The following ARRB1 variants were observed in gnomAD, a reference collection of about 807,000 sequenced individuals.
The protein encoded by ARRB1 is beta-arrestin-1.
ARRB1 carries 21 observed loss-of-function variants against 56.8 expected under a neutral mutation model. That is an observed-to-expected ratio of 0.37 (90% CI 0.26 to 0.53). ARRB1 has a LOEUF of 0.53. Among genes scored for constraint, ARRB1 ranks in the 20% least tolerant of loss-of-function variants. The pLI is 0.88. For missense variants in ARRB1, 424 were observed against 553.7 expected, an observed-to-expected ratio of 0.77 and a Z score of 2.35; for synonymous variants, 210 against 218.6, an observed-to-expected ratio of 0.96 and a Z score of 0.35.
chr11:75,332,920 G>A (rs1038580572), intron 1 of ARRB1, among the ~76,000 whole-genome samples: 1 of 151,882 alleles, frequency 6.6e-6, no homozygotes, highest in Non-Finnish European at 1.5e-5. Flanking sequence ...CCTATAGCCT[G>A]GAAGCTCCCC....
chr11:75,349,966 C>T (rs1300497720), intron 1 of ARRB1, among the ~76,000 whole-genome samples: 1 of 152,246 alleles, frequency 6.6e-6, no homozygotes, highest in Admixed American at 6.5e-5. Flanking sequence ...GCCTCTGGCC[C>T]CTTTTGACCT....
chr11:75,302,713 T>TA (rs1946933076), intron 1 of ARRB1, among the ~76,000 whole-genome samples: 1 of 152,156 alleles, frequency 6.6e-6, no homozygotes, highest in Admixed American at 6.5e-5. Flanking sequence ...AGGCTGGGGA[T>TA]AGGTGTAAAA....
intron 6 of ARRB1, 78 bp downstream of exon 6, chr11:75,281,884 C>A: frequency 1.4e-6 from 2 of 1,444,484 alleles, no homozygotes; most frequent in African/African-American, 1.4e-5. Context: ...GTGTCCAGCA[C>A]CTCCCAGGGA....
Position 75,274,127 on chromosome 11 carries a change from G to A in ARRB1, c.861C>T (p.Leu287=), listed in dbSNP as rs373519168. ...FLANNREKRG[L]ALDGKLKHED... The stretch of plus-strand genomic sequence containing the variant: ...CGTGCTTGAGCTTCCCGTCCAAGGC[G>A]AGGCCCCGCTTCTCTCGGTTATTGG... The change falls in exon 11 of 16, where the codon CTC becomes CTT. Residue 287 remains leucine, a synonymous_variant. Transcript: ENST00000420843. The A allele has an allele frequency of 1.3e-5, 21 of 1,614,208 alleles. No homozygotes were observed. The highest frequency in any genetic ancestry group is 1.6e-4 in the Middle Eastern group (1 of 6,062).
intron 2 of ARRB1, among the ~76,000 whole-genome samples, chr11:75,288,354 T>C (rs2140436226): frequency 6.6e-6 from 1 of 152,238 alleles, no homozygotes; most frequent in East Asian, 1.9e-4. Context: ...CACGCCCCAC[T>C]CCATAGCCAG....
At chr11:75,308,516 C>G (rs183323141) in intron 1 of ARRB1, among the ~76,000 whole-genome samples, 1 of 152,102 alleles carries the variant, frequency 6.6e-6, no homozygotes, top group Non-Finnish European at 1.5e-5. Context: ...GAAGCCAAGG[C>G]GGGTGGATCA....
At chr11:75,293,361 C>T (rs1946652245) in intron 1 of ARRB1, among the ~76,000 whole-genome samples, 1 of 152,194 alleles carries the variant, frequency 6.6e-6, no homozygotes, top group South Asian at 2.1e-4. Flanking sequence ...ATGTCCTTTC[C>T]ACTCTGTGAC....
rs368770552 is a variant in ARRB1 at position 75,268,875 on chromosome 11, C to T, written c.1093+14G>A. ...AGAGAACCCCTACCCCAGAGACCTA[C>T]AGATTCTGCTCACCTTCCCGATGCG... On this transcript the variant is annotated intron_variant, in intron 14 of 15. Coordinates refer to ENST00000420843, the MANE Select transcript of ARRB1 (RefSeq NM_004041.5). 1 of 1,608,624 alleles carries T rather than the reference C, an allele frequency of 6.2e-7. No individual in the cohort carries two copies. The highest frequency in any genetic ancestry group is 8.5e-7 in the Non-Finnish European group (1 of 1,178,600).
At chr11:75,338,221 A>G (rs1947640221) in intron 1 of ARRB1, among the ~76,000 whole-genome samples, 1 of 152,154 alleles carries the variant, frequency 6.6e-6, no homozygotes, top group African/African-American at 2.4e-5. Flanking sequence ...ATCAGGCCTT[A>G]GGCTGGGAAG....
intron 1 of ARRB1, chr11:75,311,957 A>G: frequency 9.0e-7 from 1 of 1,107,624 alleles, no homozygotes; most frequent in Non-Finnish European, 1.2e-6. Flanking sequence ...CAGAGGAACC[A>G]AGCAGCAGGG....
chr11:75,314,149 C>T (rs948266833), intron 1 of ARRB1, among the ~76,000 whole-genome samples: 1 of 152,214 alleles, frequency 6.6e-6, no homozygotes, highest in Non-Finnish European at 1.5e-5. Context: ...GGACTCCAGT[C>T]CCACCAGCCT....
chr11:75,314,703 G>A (rs1947232731), intron 1 of ARRB1, among the ~76,000 whole-genome samples: 1 of 152,108 alleles, frequency 6.6e-6, no homozygotes, highest in South Asian at 2.1e-4. Context: ...CCAGGCTCAG[G>A]TGATCCTCCC....
intron 13 of ARRB1, among the ~76,000 whole-genome samples, chr11:75,269,562 C>T (rs1946026729): frequency 6.6e-6 from 1 of 152,188 alleles, no homozygotes; most frequent in East Asian, 1.9e-4. Context: ...GCCGGGAAGA[C>T]CCAGCCACCA....
chr11:75,307,733 C>T (rs141278735), intron 1 of ARRB1, among the ~76,000 whole-genome samples: 10 of 151,930 alleles, frequency 6.6e-5, no homozygotes, highest in Admixed American at 1.3e-4. Flanking sequence ...CCCAGGGTCC[C>T]ACTCCAACTC....
At chr11:75,295,313 T>G in intron 1 of ARRB1, among the ~76,000 whole-genome samples, 1 of 149,868 alleles carries the variant, frequency 6.7e-6, no homozygotes, top group Non-Finnish European at 1.5e-5. Flanking sequence ...CTCACTGGAC[T>G]AAAATCAAGG....
At chr11:75,310,446 C>A (rs1300043025) in intron 1 of ARRB1, among the ~76,000 whole-genome samples, 1 of 152,184 alleles carries the variant, frequency 6.6e-6, no homozygotes, top group Non-Finnish European at 1.5e-5. Context: ...TGTAAGAACA[C>A]CTGCAGGAAG....
At chr11:75,336,604 G>A (rs1947606732) in intron 1 of ARRB1, among the ~76,000 whole-genome samples, 2 of 152,194 alleles carry the variant, frequency 1.3e-5, no homozygotes, top group Admixed American at 6.5e-5. Context: ...GGGGTTTCCT[G>A]AGATGCGAGA....
chr11:75,326,461 A>G (rs1275366088), intron 1 of ARRB1, among the ~76,000 whole-genome samples: 1 of 152,202 alleles, frequency 6.6e-6, no homozygotes, highest in Non-Finnish European at 1.5e-5. Flanking sequence ...AGATTCTCAT[A>G]ATAAAAATTT....
intron 1 of ARRB1, among the ~76,000 whole-genome samples, chr11:75,342,558 T>C (rs1311592557): frequency 6.6e-6 from 1 of 151,878 alleles, no homozygotes; most frequent in East Asian, 1.9e-4. Context: ...GAAACCATGG[T>C]CCCCTCCTCA....
Sources: allele counts gnomAD v4.1 joint callset (sites outside exome capture counted in the v4.1 genomes callset), GRCh38; gene constraint gnomAD v4.1.1; transcripts MANE v1.5; gene names NCBI Gene and HGNC (gene_info 2026-07-23, HGNC 2026-07-21).